TXNL1: variants seen among roughly 807,000 people sequenced by gnomAD.
The protein encoded by TXNL1 is thioredoxin-like protein 1.
In TXNL1, 14 loss-of-function variants were observed where a neutral mutation model predicts 35.5. The observed-to-expected ratio is 0.39, with a 90% CI of 0.26 to 0.62. The LOEUF is 0.62. Among genes scored for constraint, TXNL1 ranks in the 20% least tolerant of loss-of-function variants. The pLI is 0.47. For missense variants in TXNL1, 263 were observed against 349.7 expected, an observed-to-expected ratio of 0.75 and a Z score of 1.98; for synonymous variants, 110 against 115.5, an observed-to-expected ratio of 0.95 and a Z score of 0.31.
At chr18:56,606,869 A>T (rs2023905196) in intron 7 of TXNL1, among the ~76,000 whole-genome samples, 1 of 152,224 alleles carries the variant, frequency 6.6e-6, no homozygotes, top group Non-Finnish European at 1.5e-5. Context: ...GCAGTACAAT[A>T]AGATATTTTG....
At chr18:56,603,281 GTTTTTT>G (rs34882850) in intron 7 of TXNL1, among the ~76,000 whole-genome samples, 1 of 120,372 alleles carries the variant, frequency 8.3e-6, no homozygotes, top group Non-Finnish European at 1.9e-5. Context: ...GTTTCACACA[GTTTTTT>G]TTTTTTTTTT....
chr18:56,621,049 C>T (rs1598918584), intron 3 of TXNL1, among the ~76,000 whole-genome samples: 1 of 152,168 alleles, frequency 6.6e-6, no homozygotes, highest in African/African-American at 2.4e-5. Flanking sequence ...TGTCTTCCAT[C>T]CTATCTATAT....
chr18:56,620,092 C>T (rs1017992989), intron 3 of TXNL1, among the ~76,000 whole-genome samples: 2 of 152,100 alleles, frequency 1.3e-5, no homozygotes, highest in African/African-American at 4.8e-5. Flanking sequence ...CTTCAGTCTC[C>T]TGAGTAGCTG....
intron 3 of TXNL1, 116 bp from the exon 4 acceptor site, chr18:56,618,242 G>C: frequency 8.8e-7 from 1 of 1,141,504 alleles, no homozygotes; most frequent in Non-Finnish European, 1.2e-6. Flanking sequence ...TTTTAAAACA[G>C]TTCATAAAAC....
At chr18:56,604,976 A>G (rs1225084132) in intron 7 of TXNL1, among the ~76,000 whole-genome samples, 1 of 151,876 alleles carries the variant, frequency 6.6e-6, no homozygotes, top group African/African-American at 2.4e-5. Flanking sequence ...ATTTAATTTT[A>G]TTGTGATGTT....
intron 7 of TXNL1, among the ~76,000 whole-genome samples, chr18:56,604,148 CCAT>C (rs748533077): frequency 1.4e-4 from 22 of 152,170 alleles, no homozygotes; most frequent in Admixed American, 2.6e-4. Flanking sequence ...TCCAAAGACA[CCAT>C]GTTAGAAAGC....
chr18:56,611,230 T>A, intron 6 of TXNL1, 133 bp from the exon 7 acceptor site: 1 of 576,282 alleles, frequency 1.7e-6, no homozygotes, highest in Non-Finnish European at 2.9e-6. Flanking sequence ...CTGGGTGCAG[T>A]GGCTCACGTC....
chr18:56,630,946 T>A (rs2024360729), intron 1 of TXNL1, among the ~76,000 whole-genome samples: 1 of 151,946 alleles, frequency 6.6e-6, no homozygotes, highest in Non-Finnish European at 1.5e-5. Flanking sequence ...AGTGGCATAA[T>A]CATGGCTCAC....
Position 56,600,601 on chromosome 18 carries a change from G to A in TXNL1, c.*2426C>T, listed in dbSNP as rs1054528442. ...CAGTATATTGAGACTGGGGAACAAC[G>A]TGGGGCAGGTTTCAACTCTAATTGT... is the stretch of plus-strand genomic sequence containing the variant. On this transcript the variant is annotated 3_prime_UTR_variant, in exon 8 of 8. Coordinates refer to ENST00000217515, the MANE Select transcript of TXNL1 (RefSeq NM_004786.3). 2.0e-5 allele frequency: 3 copies of A among 150,168 alleles called. No individual in the cohort carries two copies. The highest frequency in any genetic ancestry group is 4.9e-5 in the African/African-American group (2 of 40,556). 9.3% of individuals were successfully genotyped at this position (150,168 alleles called of 1,614,324 possible). A position where few individuals can be genotyped will look rare whatever the true frequency, so the allele number is the denominator to read the frequency against.
At chr18:56,607,425 G>A (rs560061507) in intron 7 of TXNL1, among the ~76,000 whole-genome samples, 2 of 151,968 alleles carry the variant, frequency 1.3e-5, no homozygotes, top group South Asian at 4.2e-4. Context: ...CGGAAGTGAT[G>A]GGATTATAGG....
chr18:56,624,245 A>G lies in TXNL1; in HGVS notation c.369+43T>C, dbSNP rs748806785. ...TCATTTTAGCCCAATAATGACATGT[A>G]CAAGATATTATACATTATGATTTCA... On this transcript the variant is annotated intron_variant, in intron 3 of 7. Coordinates refer to ENST00000217515, the MANE Select transcript of TXNL1 (RefSeq NM_004786.3). 6 of 1,569,308 alleles carry G rather than the reference A, an allele frequency of 3.8e-6. No homozygotes were observed. In the Admixed American group the frequency reaches 5.4e-5, roughly 14 times the overall value.
At chr18:56,615,798 TA>T (rs2144300197) in intron 5 of TXNL1, among the ~76,000 whole-genome samples, 1 of 152,306 alleles carries the variant, frequency 6.6e-6, no homozygotes, top group Non-Finnish European at 1.5e-5. Context: ...CAGTACCTAA[TA>T]ATCTCACATT....
At chr18:56,625,323 G>A (rs1010434185) in intron 2 of TXNL1, among the ~76,000 whole-genome samples, 1 of 151,894 alleles carries the variant, frequency 6.6e-6, no homozygotes, top group Non-Finnish European at 1.5e-5. Context: ...TATTAAAAAA[G>A]CAAAATAAGT....
At chr18:56,616,094 C>T (rs558109448) in intron 5 of TXNL1, 151 bp downstream of exon 5, 58 of 594,848 alleles carry the variant, frequency 9.8e-5, no homozygotes, top group African/African-American at 1.3e-4. Flanking sequence ...ATTGCACCAC[C>T]GCACTCCAGC....
Position 56,601,637 on chromosome 18 carries a change from T to C in TXNL1, c.*1390A>G, listed in dbSNP as rs1470266956. On this transcript the variant is annotated 3_prime_UTR_variant, in exon 8 of 8. Transcript: ENST00000217515. Reference sequence around the variant, plus strand: ...TTTCAGAAAGGGACTCTTTCAACACTAAAACTTCTGTAGAATTTTTTCATA... The same window carrying C: ...TTTCAGAAAGGGACTCTTTCAACACCAAAACTTCTGTAGAATTTTTTCATA... 6.6e-6 allele frequency: 1 copy of C among 152,192 alleles called. No homozygotes were observed. Among genetic ancestry groups the C allele is most frequent in the African/African-American group, 2.4e-5 (1 of 41,444 alleles). The allele number at this position is 152,192 out of a possible 1,614,324, so 9.4% of individuals were successfully genotyped here.
intron 3 of TXNL1, among the ~76,000 whole-genome samples, chr18:56,618,764 A>C (rs2024131386): frequency 6.6e-6 from 1 of 152,140 alleles, no homozygotes; most frequent in East Asian, 1.9e-4. Flanking sequence ...AGAACTTAAA[A>C]AAAAACATTC....
Position 56,611,646 on chromosome 18 carries a change from T to C in TXNL1, c.736-549A>G, listed in dbSNP as rs372963784. Among the ~76,000 whole-genome samples the C allele has an allele frequency of 2.2e-3, 328 of 152,274 alleles. 2 individuals are homozygous for C. The highest frequency in any genetic ancestry group is 0.014 in the Middle Eastern group (4 of 294). On this transcript the variant is annotated intron_variant, in intron 6 of 7. Coordinates refer to ENST00000217515, the MANE Select transcript of TXNL1 (RefSeq NM_004786.3). ...TGGCAAGAGACCCATATATATAAGTTCATGGTAACTTGGTGTGATAGTATG... is the reference window on the plus strand; with the variant it reads ...TGGCAAGAGACCCATATATATAAGTCCATGGTAACTTGGTGTGATAGTATG...
At chr18:56,612,497 T>C (rs1490606430) in intron 6 of TXNL1, among the ~76,000 whole-genome samples, 1 of 152,144 alleles carries the variant, frequency 6.6e-6, no homozygotes, top group Non-Finnish European at 1.5e-5. Context: ...TTTGCTCCAT[T>C]TCTAAAAACA....
chr18:56,637,891 T>C (rs1040110403), intron 1 of TXNL1, among the ~76,000 whole-genome samples: 1 of 152,210 alleles, frequency 6.6e-6, no homozygotes, highest in East Asian at 1.9e-4. Context: ...ATCTGAATCT[T>C]CAAAGGCTTT....
Sources: allele counts gnomAD v4.1 joint callset (sites outside exome capture counted in the v4.1 genomes callset), GRCh38; gene constraint gnomAD v4.1.1; transcripts MANE v1.5; gene names NCBI Gene and HGNC (gene_info 2026-07-23, HGNC 2026-07-21).